Variants in RBFOX2 observed in about 807,000 individuals in gnomAD.
RBFOX2 encodes the protein RNA binding protein fox-1 homolog 2.
A neutral mutation model predicts 49.1 loss-of-function variants in RBFOX2; 10 were observed. The ratio of observed to expected loss-of-function variants is 0.20; its 90% CI spans 0.13 to 0.35. The LOEUF is 0.35. Ranked by LOEUF, RBFOX2 falls within the 10% of genes least tolerant of loss-of-function variation. The probability of loss-of-function intolerance (pLI) is 1.00; values close to 1 mark genes in which losing one functional copy is unlikely to be tolerated. For synonymous variants in RBFOX2, 183 were observed against 187.4 expected (o/e 0.98, Z 0.19); for missense variants, 323 against 486.9 (o/e 0.66, Z 3.17).
chr22:35,763,886 A>C (rs1052499535), intron 6 of RBFOX2, among the ~76,000 whole-genome samples: 1 of 152,216 alleles, frequency 6.6e-6, no homozygotes, highest in East Asian at 1.9e-4. Context: ...TCACGGAGTA[A>C]ATAAAGAGTC....
chr22:35,801,395 G>A (rs1949750303), intron 2 of RBFOX2, among the ~76,000 whole-genome samples: 1 of 151,220 alleles, frequency 6.6e-6, no homozygotes, highest in Non-Finnish European at 1.5e-5. Context: ...ACAATGTATT[G>A]CTCAACTGTT....
rs377417924 is a variant in RBFOX2, at chr22:35,947,107, G to A, written c.43-8210C>T. On this transcript the variant is annotated intron_variant, in intron 1 of 5. Coordinates refer to the RBFOX2 transcript ENST00000408983. The stretch of plus-strand genomic sequence containing the variant: ...TTGGGAGGCTGAGGGCACAAGAATC[G>A]CTTGAACCCAGGAAGCAGAGGCTGC... 5.9e-5 allele frequency among the ~76,000 whole-genome samples: 9 copies of A among 152,162 alleles called. No individual in the cohort carries two copies. In the South Asian group the frequency reaches 1.2e-3, roughly 21 times the overall value.
upstream of RBFOX2, chr22:35,840,617 TGTGTGCGTGTGTGC>T (rs1958581794): frequency 2.0e-5 from 22 of 1,081,108 alleles, no homozygotes; most frequent in Non-Finnish European, 2.2e-5. Flanking sequence ...TGCGCACGCG[TGTGTGCGTGTGTGC>T]GTGTGTGTGT....
chr22:35,889,465 A>T (rs1191602552), intron 1 of RBFOX2, among the ~76,000 whole-genome samples: 1 of 152,078 alleles, frequency 6.6e-6, no homozygotes, highest in Non-Finnish European at 1.5e-5. Context: ...ACATCCTGTC[A>T]ATTTTACCTT....
upstream of RBFOX2, chr22:35,840,631 C>CGTGCGT: frequency 9.9e-7 from 1 of 1,005,624 alleles, no homozygotes; most frequent in Non-Finnish European, 1.2e-6. Context: ...TGCGTGTGTG[C>CGTGCGT]GTGTGTGTGT....
intron 1 of RBFOX2, among the ~76,000 whole-genome samples, chr22:35,853,738 T>C (rs139648775): frequency 1.2e-3 from 171 of 147,438 alleles, no homozygotes; most frequent in Middle Eastern, 7.2e-3. Context: ...CTCCAGGCGG[T>C]GGAATGGGGT....
At chr22:35,989,682 T>C (rs2057884678) in intron 1 of RBFOX2, among the ~76,000 whole-genome samples, 1 of 152,138 alleles carries the variant, frequency 6.6e-6, no homozygotes, top group Non-Finnish European at 1.5e-5. Flanking sequence ...TTTAAAATCT[T>C]GGGAAAAATC....
intron 1 of RBFOX2, among the ~76,000 whole-genome samples, chr22:35,949,143 A>G (rs2054631909): frequency 1.3e-5 from 2 of 152,240 alleles, no homozygotes; most frequent in African/African-American, 4.8e-5. Context: ...TCCATATTGT[A>G]GCACGTGTCA....
chr22:35,770,156 C>T (rs549381670), intron 4 of RBFOX2, among the ~76,000 whole-genome samples: 1 of 152,290 alleles, frequency 6.6e-6, no homozygotes, highest in East Asian at 1.9e-4. Flanking sequence ...TCTACACTAG[C>T]ACCTGCTGAA....
At chr22:36,027,464 G>C (rs8138352) in intron 1 of RBFOX2, among the ~76,000 whole-genome samples, 30,210 of 152,044 alleles carry the variant, frequency 0.2, 7,765 homozygotes, top group African/African-American at 0.6. Flanking sequence ...AATTAACCAC[G>C]TTTATCTTTC....
At chr22:35,746,392 G>T in intron 10 of RBFOX2, 81 bp downstream of exon 12, 1 of 1,267,372 alleles carries the variant, frequency 7.9e-7, no homozygotes. Context: ...TGTGGAAATG[G>T]TGAAGGGAGG....
intron 1 of RBFOX2, among the ~76,000 whole-genome samples, chr22:35,826,542 G>C (rs1309452997): frequency 6.6e-6 from 1 of 151,970 alleles, no homozygotes; most frequent in South Asian, 2.1e-4. Flanking sequence ...TCTTCCTAAA[G>C]ATTGCATATA....
At chr22:35,765,948 A>C (rs1328260651) in intron 5 of RBFOX2, among the ~76,000 whole-genome samples, 1 of 152,204 alleles carries the variant, frequency 6.6e-6, no homozygotes, top group Non-Finnish European at 1.5e-5. Flanking sequence ...TGTCTGTCAG[A>C]GATTTTTACT....
At chr22:35,902,721 T>C (rs770684486) in intron 1 of RBFOX2, among the ~76,000 whole-genome samples, 5 of 151,782 alleles carry the variant, frequency 3.3e-5, no homozygotes, top group Non-Finnish European at 7.4e-5. Context: ...CATGGCTCAC[T>C]GCAGCCTTGA....
chr22:35,961,420 A>G (rs1215678954), intron 1 of RBFOX2: 1 of 840,686 alleles, frequency 1.2e-6, no homozygotes, highest in Admixed American at 4.0e-5. Flanking sequence ...TTTTTTTTTA[A>G]ATCAGGCATT....
At chr22:36,012,775 G>GT (rs2058873148) in intron 1 of RBFOX2, among the ~76,000 whole-genome samples, 1 of 151,484 alleles carries the variant, frequency 6.6e-6, no homozygotes, top group African/African-American at 2.4e-5. Context: ...TTTTTTGTTT[G>GT]TTTTTTTGAG....
intron 1 of RBFOX2, among the ~76,000 whole-genome samples, chr22:35,990,269 G>C (rs1401591752): frequency 1.3e-5 from 2 of 152,164 alleles, no homozygotes; most frequent in Admixed American, 6.5e-5. Context: ...TAGGAAGGCA[G>C]AGAGCTGTAC....
At chr22:35,976,495 C>A (rs1347921176) in intron 1 of RBFOX2, among the ~76,000 whole-genome samples, 1 of 152,120 alleles carries the variant, frequency 6.6e-6, no homozygotes, top group Non-Finnish European at 1.5e-5. Flanking sequence ...GTATTCACAG[C>A]ACAAGGGCTA....
At chr22:35,956,083 T>G (rs2055521422) in intron 1 of RBFOX2, among the ~76,000 whole-genome samples, 1 of 152,358 alleles carries the variant, frequency 6.6e-6, no homozygotes, top group Middle Eastern at 3.4e-3. Context: ...TTTTTGCCTA[T>G]GCATGATTTT....
Sources: gnomAD v4.1 joint callset for allele counts (sites outside exome capture counted in the v4.1 genomes callset) on GRCh38, gnomAD v4.1.1 for gene constraint, MANE v1.5 for transcripts, NCBI Gene and HGNC (gene_info 2026-07-23, HGNC 2026-07-21) for gene names.